Variants in TRHDE observed in about 807,000 individuals in gnomAD.
TRHDE encodes the protein thyrotropin-releasing hormone-degrading ectoenzyme.
TRHDE carries 72 observed loss-of-function variants against 125.7 expected under a neutral mutation model. The ratio of observed to expected loss-of-function variants is 0.57; its 90% CI spans 0.47 to 0.70. TRHDE has a LOEUF of 0.70. Ranked by LOEUF, TRHDE falls within the 30% of genes least tolerant of loss-of-function variation. The pLI is 0.00. For synonymous variants in TRHDE, 509 were observed against 509.1 expected (o/e 1.00, Z 0.00); for missense variants, 1,110 against 1,327.1 (o/e 0.84, Z 2.54).
At chr12:72,157,813 C>T (rs992827081) in intron 2 of TRHDE, among the ~76,000 whole-genome samples, 1 of 152,114 alleles carries the variant, frequency 6.6e-6, no homozygotes, top group Admixed American at 6.5e-5. Flanking sequence ...TTTGGAGATA[C>T]TGACATTTGG....
intron 6 of TRHDE, among the ~76,000 whole-genome samples, chr12:72,499,837 C>CATT (rs1878074236): frequency 6.6e-6 from 1 of 151,902 alleles, no homozygotes; most frequent in Non-Finnish European, 1.5e-5. Context: ...TAATATTTGC[C>CATT]AAATAATGCA....
rs1299147395 is a variant in TRHDE, at chr12:72,566,627, TA to T, written c.2043-1940del. 5.3e-5 allele frequency among the ~76,000 whole-genome samples: 8 copies of T among 149,694 alleles called. No individual in the cohort carries two copies. The South Asian group carries it at 8.5e-4, about 16-fold the overall frequency. On this transcript the variant is annotated intron_variant, in intron 9 of 18. Coordinates refer to ENST00000261180, the MANE Select transcript of TRHDE (RefSeq NM_013381.3). ...TTTAAATACATGGAAATTATGTTTA[TA>T]TTAGGGGCAATGATTCACAAACATT... is the stretch of plus-strand genomic sequence containing the variant.
chr12:72,631,355 C>G (rs538150784), intron 15 of TRHDE, among the ~76,000 whole-genome samples: 16 of 151,772 alleles, frequency 1.1e-4, no homozygotes, highest in African/African-American at 3.9e-4. Flanking sequence ...ATGCCATCCT[C>G]CTTTTTGCCA....
intron 12 of TRHDE, among the ~76,000 whole-genome samples, chr12:72,597,759 G>A (rs938420742): frequency 0.2 from 4,194 of 21,112 alleles, 242 homozygotes; most frequent in Middle Eastern, 0.33. Context: ...ATATATATAT[G>A]CATACACACA....
At chr12:72,253,265 T>C (rs147311931) in intron 2 of TRHDE, among the ~76,000 whole-genome samples, 1 of 152,246 alleles carries the variant, frequency 6.6e-6, no homozygotes, top group African/African-American at 2.4e-5. Flanking sequence ...TATTTTTGTA[T>C]AATCCATGGG....
Position 72,469,866 on chromosome 12 carries a change from A to G in TRHDE, c.1424A>G (p.Tyr475Cys), listed in dbSNP as rs750878059. The G allele has an allele frequency of 1.9e-6, 3 of 1,614,022 alleles. No homozygotes were observed. Among genetic ancestry groups the G allele is most frequent in the Non-Finnish European group, 2.5e-6 (3 of 1,179,968 alleles). ...GATCCCAGTGTTTCATCTATTTCTT[A>G]TTTGCTGGATGTCACCATGGTCATT... is the stretch of plus-strand genomic sequence containing the variant. ...LLDPSVSSIS[Y>C]LLDVTMVIVH... Residue 475 changes from tyrosine (Y) to cysteine (C), a missense_variant, in exon 4 of 19, where the codon TAT becomes TGT. Tyr to Cys is a radical substitution (Grantham distance 194). This residue lies in a region of TRHDE where 252 missense variants were observed against 274.8 expected (regional missense o/e 0.92). Transcript: ENST00000261180.
At chr12:72,648,997 A>C (rs1405424232) in intron 15 of TRHDE, among the ~76,000 whole-genome samples, 2 of 152,068 alleles carry the variant, frequency 1.3e-5, no homozygotes, top group Non-Finnish European at 2.9e-5. Flanking sequence ...GATTTAATGC[A>C]ATTTCTATCA....
chr12:72,275,778 A>G (rs1879466479), intron 1 of TRHDE, among the ~76,000 whole-genome samples: 1 of 152,162 alleles, frequency 6.6e-6, no homozygotes, highest in South Asian at 2.1e-4. Context: ...TTGTACCCCT[A>G]GTGCGTATTT....
intron 6 of TRHDE, among the ~76,000 whole-genome samples, chr12:72,525,611 G>GGTT (rs1335175354): frequency 2.0e-5 from 3 of 146,908 alleles, no homozygotes; most frequent in Non-Finnish European, 4.5e-5. Flanking sequence ...TTGTGTGTGT[G>GGTT]TGTGTGTGTG....
intron 12 of TRHDE, among the ~76,000 whole-genome samples, chr12:72,593,585 A>G (rs1372456548): frequency 6.6e-6 from 1 of 152,074 alleles, no homozygotes; most frequent in Non-Finnish European, 1.5e-5. Context: ...TTACATATGT[A>G]TACATGTGCC....
intron 3 of TRHDE, among the ~76,000 whole-genome samples, chr12:72,426,254 T>A (rs879440603): frequency 6.6e-6 from 1 of 152,096 alleles, no homozygotes; most frequent in African/African-American, 2.4e-5. Flanking sequence ...GTAATAAGAT[T>A]GTTATTGTAT....
At chr12:72,335,056 G>A (rs905060875) in intron 2 of TRHDE, among the ~76,000 whole-genome samples, 7 of 152,164 alleles carry the variant, frequency 4.6e-5, no homozygotes, top group African/African-American at 1.4e-4. Context: ...CTTACCTCTG[G>A]CCACAGCCTA....
At chr12:72,173,383 A>C (rs1219306594) in intron 2 of TRHDE, among the ~76,000 whole-genome samples, 1 of 152,246 alleles carries the variant, frequency 6.6e-6, no homozygotes, top group Non-Finnish European at 1.5e-5. Context: ...GTTTCACTTA[A>C]CATTAGAGAG....
intron 2 of TRHDE, among the ~76,000 whole-genome samples, chr12:72,261,836 G>A (rs917597965): frequency 2.6e-5 from 4 of 152,062 alleles, no homozygotes; most frequent in Non-Finnish European, 5.9e-5. Context: ...CTTTTCCATG[G>A]CATTATTGTT....
chr12:72,171,026 AC>A (rs1477906541), intron 2 of TRHDE, among the ~76,000 whole-genome samples: 3 of 152,152 alleles, frequency 2.0e-5, no homozygotes, highest in Admixed American at 1.3e-4. Context: ...AGCTAAGGAG[AC>A]CAATAAGTTC....
chr12:72,515,104 G>A (rs1287280731), intron 6 of TRHDE, among the ~76,000 whole-genome samples: 4 of 130,192 alleles, frequency 3.1e-5, no homozygotes, highest in African/African-American at 1.3e-4. Context: ...ACATACGTGT[G>A]CATGTGTCTT....
chr12:72,436,407 CT>C (rs1874747815), intron 3 of TRHDE, among the ~76,000 whole-genome samples: 1 of 151,656 alleles, frequency 6.6e-6, no homozygotes, highest in Admixed American at 6.6e-5. Flanking sequence ...GGTTTTTAGA[CT>C]GATTTGATTA....
intron 12 of TRHDE, among the ~76,000 whole-genome samples, chr12:72,595,353 A>G (rs1050863349): frequency 2.1e-4 from 28 of 134,972 alleles, no homozygotes; most frequent in African/African-American, 6.2e-4. Flanking sequence ...CGAATTATCT[A>G]CTAAGATTTG....
At chr12:72,591,632 G>GGTTTTTTT (rs1871685576) in intron 12 of TRHDE, among the ~76,000 whole-genome samples, 1 of 125,430 alleles carries the variant, frequency 8.0e-6, no homozygotes, top group Admixed American at 7.9e-5. Context: ...AAGGATATGG[G>GGTTTTTTT]TTTTTTTTTT....
Sources: gnomAD v4.1 joint callset for allele counts (sites outside exome capture counted in the v4.1 genomes callset) on GRCh38, gnomAD v4.1.1 for gene constraint, gnomAD v4.1.1 regional missense constraint, MANE v1.5 for transcripts, NCBI Gene and HGNC (gene_info 2026-07-23, HGNC 2026-07-21) for gene names.